The following ARHGEF4 variants were observed in gnomAD, a reference collection of about 807,000 sequenced individuals.
ARHGEF4 encodes the protein APC-stimulated guanine nucleotide exchange factor 1.
ARHGEF4 carries 119 observed loss-of-function variants against 162.0 expected under a neutral mutation model. The ratio of observed to expected loss-of-function variants is 0.73; its 90% CI spans 0.63 to 0.86. The LOEUF (loss-of-function observed/expected upper bound fraction) is 0.86. Among genes scored for constraint, ARHGEF4 ranks in the 40% least tolerant of loss-of-function variants. ARHGEF4 has a pLI of 0.00. For missense variants in ARHGEF4, 2,488 were observed against 2,456.0 expected (o/e 1.01, Z -0.28); for synonymous variants, 1,014 against 979.9 (o/e 1.03, Z -0.65).
At chr2:131,017,576 A>G (rs1030062980) in intron 4 of ARHGEF4, among the ~76,000 whole-genome samples, 1 of 152,236 alleles carries the variant, frequency 6.6e-6, no homozygotes, top group African/African-American at 2.4e-5. Context: ...AAAAGCCAAG[A>G]AAAGTAGTGA....
chr2:130,882,508 A>G (rs142519284), intron 1 of ARHGEF4, among the ~76,000 whole-genome samples: 1 of 152,000 alleles, frequency 6.6e-6, no homozygotes, highest in African/African-American at 2.4e-5. Flanking sequence ...AATCCCACTC[A>G]TGAGGGCGAC....
intron 4 of ARHGEF4, among the ~76,000 whole-genome samples, chr2:130,970,019 A>C (rs140954005): frequency 6.6e-6 from 1 of 152,332 alleles, no homozygotes; most frequent in East Asian, 1.9e-4. Context: ...GATGTATCAC[A>C]GTTTGTCAAC....
rs1012105148 is a variant in ARHGEF4, at chr2:130,914,683, A to G, written c.737A>G (p.Asn246Ser). 3.6e-6 allele frequency: 5 copies of G among 1,393,980 alleles called. No individual in the cohort carries two copies. In the African/African-American group the frequency reaches 4.3e-5, roughly 12 times the overall value. 86.4% of individuals were successfully genotyped at this position (1,393,980 alleles called of 1,614,324 possible). A position where few individuals can be genotyped will look rare whatever the true frequency, so the allele number is the denominator to read the frequency against. The change falls in exon 2 of 14, where the codon AAC (asparagine) becomes AGC (serine). Residue 246 changes from asparagine (N) to serine (S), a missense_variant. Transcript: ENST00000409359. ...GGTCGGAGTTGGCCACATATCCACAACAGGGCCAGGGCACTGGTGCTACCT... is the reference window on the plus strand; with the variant it reads ...GGTCGGAGTTGGCCACATATCCACAGCAGGGCCAGGGCACTGGTGCTACCT... ...ELGRSWPHIH[N>S]RARALVLPSR...
Position 130,924,202 on chromosome 2 carries a change from T to A in ARHGEF4, c.3552+6704T>A, listed in dbSNP as rs559821185. ...GGCCTAGCTGCAGTCTTGATAGGAT[T>A]GTTTTCCTCACCTGTGGATTGCTGT... is the stretch of plus-strand genomic sequence containing the variant. On this transcript the variant is annotated intron_variant, in intron 2 of 13. Coordinates refer to ENST00000409359, the MANE Select transcript of ARHGEF4 (RefSeq NM_001367493.1). Among the ~76,000 whole-genome samples the A allele has an allele frequency of 9.2e-5, 14 of 152,054 alleles. No homozygotes were observed. In the South Asian group the frequency reaches 2.9e-3, roughly 32 times the overall value.
At chr2:130,984,128 G>T (rs1308609672) in intron 4 of ARHGEF4, among the ~76,000 whole-genome samples, 2 of 152,150 alleles carry the variant, frequency 1.3e-5, no homozygotes, top group East Asian at 3.9e-4. Flanking sequence ...CACTTCTTTT[G>T]CCCCAGTAGG....
chr2:131,022,965 G>A (rs1415253239), intron 4 of ARHGEF4, among the ~76,000 whole-genome samples: 1 of 147,842 alleles, frequency 6.8e-6, no homozygotes, highest in Non-Finnish European at 1.5e-5. Flanking sequence ...CTCTGAGCCA[G>A]CTGTGGTAGC....
intron 1 of ARHGEF4, among the ~76,000 whole-genome samples, chr2:130,912,962 T>C (rs1000672784): frequency 6.6e-6 from 1 of 152,202 alleles, no homozygotes; most frequent in African/African-American, 2.4e-5. Context: ...ATTGTTCTAT[T>C]TTGTTAATAT....
chr2:130,939,588 A>G (rs1353489776), intron 3 of ARHGEF4, among the ~76,000 whole-genome samples: 2 of 152,150 alleles, frequency 1.3e-5, no homozygotes, highest in African/African-American at 2.4e-5. Context: ...GTTCCTTCCA[A>G]TAATAAATAT....
intron 1 of ARHGEF4, among the ~76,000 whole-genome samples, chr2:130,846,561 G>A (rs544245748): frequency 6.6e-6 from 1 of 152,358 alleles, no homozygotes; most frequent in African/African-American, 2.4e-5. Flanking sequence ...AGAGCGATAT[G>A]GGACGGCGAG....
intron 4 of ARHGEF4, among the ~76,000 whole-genome samples, chr2:130,958,945 T>C (rs1684462058): frequency 6.7e-6 from 1 of 150,328 alleles, no homozygotes; most frequent in Non-Finnish European, 1.5e-5. Flanking sequence ...TTCTTTTCTT[T>C]CTTTTTTTTT....
chr2:130,848,489 G>A (rs762691068), intron 1 of ARHGEF4, among the ~76,000 whole-genome samples: 20 of 152,298 alleles, frequency 1.3e-4, no homozygotes, highest in African/African-American at 2.6e-4. Flanking sequence ...AGAATTCAAC[G>A]AAGGCTCTGA....
intron 1 of ARHGEF4, among the ~76,000 whole-genome samples, chr2:130,851,586 C>T (rs765856372): frequency 3.3e-5 from 5 of 152,140 alleles, no homozygotes; most frequent in East Asian, 1.9e-4. Context: ...GTGGAGTGGA[C>T]GGGCTGGGGG....
intron 4 of ARHGEF4, among the ~76,000 whole-genome samples, chr2:130,958,520 C>G (rs1684435044): frequency 6.6e-6 from 1 of 152,002 alleles, no homozygotes; most frequent in Admixed American, 6.6e-5. Context: ...AGCGATTCTC[C>G]CACCTCAACC....
rs758346864 is a variant in ARHGEF4 at position 131,040,088 on chromosome 2, G to C, written c.4378G>C (p.Gly1460Arg). The change falls in exon 7 of 14, where the codon GGG becomes CGG. Residue 1460 changes from glycine to arginine, a missense_variant. Transcript: ENST00000409359. ...LAGNSGAEDG[G>R]AEAQSSKDQM... ...CGGGAACAGCGGAGCGGAGGACGGCGGGGCGGAGGCGCAGAGCAGCAAGGA... is the reference window on the plus strand; with the variant it reads ...CGGGAACAGCGGAGCGGAGGACGGCCGGGCGGAGGCGCAGAGCAGCAAGGA... 3.1e-6 allele frequency: 5 copies of C among 1,607,720 alleles called. No homozygotes were observed. The highest frequency in any genetic ancestry group is 2.2e-5 in the South Asian group (2 of 90,346).
At chr2:130,837,346 T>A in intron 1 of ARHGEF4, 1 of 338,970 alleles carries the variant, frequency 3.0e-6, no homozygotes. Flanking sequence ...TGGACCGGCC[T>A]GGGCGCGCAG....
At chr2:130,941,344 C>T (rs933826527) in intron 3 of ARHGEF4, among the ~76,000 whole-genome samples, 2 of 151,734 alleles carry the variant, frequency 1.3e-5, no homozygotes, top group East Asian at 1.9e-4. Context: ...GCTAGGATTA[C>T]GGGTGCATGC....
At chr2:130,843,531 A>G (rs1362115327) in intron 1 of ARHGEF4, among the ~76,000 whole-genome samples, 1 of 152,082 alleles carries the variant, frequency 6.6e-6, no homozygotes, top group Non-Finnish European at 1.5e-5. Context: ...GTTGCTGCTC[A>G]GAGGCACCAG....
chr2:130,956,129 C>G (rs1342066022), intron 4 of ARHGEF4, among the ~76,000 whole-genome samples: 2 of 152,224 alleles, frequency 1.3e-5, no homozygotes, highest in Admixed American at 6.5e-5. Context: ...CTTTTGCTAT[C>G]AGTCTGCCCC....
At position 130,911,943 on chromosome 2, in the gene ARHGEF4, C is replaced by G. The variant is rs1028971684; in HGVS notation, c.40-2043C>G. Among the ~76,000 whole-genome samples the G allele has an allele frequency of 5.9e-5, 9 of 152,186 alleles. No individual in the cohort carries two copies. The East Asian group carries it at 1.5e-3, about 26-fold the overall frequency. ...GTGTCTGCTCATGTAAGCAATGATGCCTGCGTGAGTCTGGAAGGTGACATC... is the reference window on the plus strand; with the variant it reads ...GTGTCTGCTCATGTAAGCAATGATGGCTGCGTGAGTCTGGAAGGTGACATC... On this transcript the variant is annotated intron_variant, in intron 1 of 13. Coordinates refer to ENST00000409359, the MANE Select transcript of ARHGEF4 (RefSeq NM_001367493.1).
Sources: allele counts gnomAD v4.1 joint callset (sites outside exome capture counted in the v4.1 genomes callset), GRCh38; gene constraint gnomAD v4.1.1; transcripts MANE v1.5; gene names NCBI Gene and HGNC (gene_info 2026-07-23, HGNC 2026-07-21).